HERC1: variants seen among roughly 807,000 people sequenced by gnomAD.
HERC1 encodes the protein probable E3 ubiquitin-protein ligase HERC1.
In HERC1, 160 loss-of-function variants were observed where a neutral mutation model predicts 554.3. That is an observed-to-expected ratio of 0.29 (90% CI 0.25 to 0.33). HERC1 has a LOEUF of 0.33. HERC1 is among the 10% of genes least tolerant of loss of function. The probability of loss-of-function intolerance (pLI) is 1.00; values close to 1 mark genes in which losing one functional copy is unlikely to be tolerated. For synonymous variants in HERC1, 2,175 were observed against 2,131.7 expected, an observed-to-expected ratio of 1.02 and a Z score of -0.56; for missense variants, 4,919 against 5,918.5, an observed-to-expected ratio of 0.83 and a Z score of 5.54.
At position 63,663,002 on chromosome 15, in the gene HERC1, T is replaced by C; in HGVS notation, c.8883A>G (p.Val2961=). 6.2e-7 allele frequency: 1 copy of C among 1,613,874 alleles called. No homozygotes were observed. The highest frequency in any genetic ancestry group is 8.5e-7 in the Non-Finnish European group (1 of 1,179,746). ...NDILGMWIPE[V]LDWPTWHVCE... is the part of the protein sequence containing the mutation. Reference sequence around the variant, plus strand: ...CACACACCCAGGTAGGCCAATCCAGTACCTCTGGGATCCACATTCCCAGAA... The same window carrying C: ...CACACACCCAGGTAGGCCAATCCAGCACCTCTGGGATCCACATTCCCAGAA... The change falls in exon 44 of 78, where the codon GTA becomes GTG. Residue 2961 remains valine, a synonymous_variant. Coordinates refer to ENST00000443617, the MANE Select transcript of HERC1 (RefSeq NM_003922.4).
In HERC1 at chr15:63,680,836, G is replaced by A; in HGVS notation, c.6226-60C>T. ...AAAATCTATTTATATACTATTAACT[G>A]CATTAACCAATACTGAAAATATGTT... On this transcript the variant is annotated intron_variant, in intron 34 of 77. Coordinates refer to ENST00000443617, the MANE Select transcript of HERC1 (RefSeq NM_003922.4). This position sits in a 1 kb window ranked among gnomAD's most constrained non-coding sequence, Gnocchi z 5.8. 2 of 1,120,784 alleles carry A rather than the reference G, an allele frequency of 1.8e-6. No homozygotes were observed. The highest frequency in any genetic ancestry group is 2.6e-5 in the South Asian group (2 of 76,094). 69.4% of individuals were successfully genotyped at this position (1,120,784 alleles called of 1,614,324 possible).
At chr15:63,744,429 G>T (rs139247366) in intron 12 of HERC1, among the ~76,000 whole-genome samples, 1 of 152,140 alleles carries the variant, frequency 6.6e-6, no homozygotes, top group Non-Finnish European at 1.5e-5. Flanking sequence ...CTTCCCTTCA[G>T]GGGGAGTGAG....
chr15:63,672,696 T>C lies in HERC1; in HGVS notation c.7847-2A>G. 1 of 1,576,616 alleles carries C rather than the reference T, an allele frequency of 6.3e-7. No homozygotes were observed. Among genetic ancestry groups the C allele is most frequent in the East Asian group, 2.2e-5 (1 of 44,522 alleles). ...TTTCTTCAGCTTGTTGATCAATCTCTAGAAACCAAAAAAAAGGTTAAGAAA... is the reference window on the plus strand; with the variant it reads ...TTTCTTCAGCTTGTTGATCAATCTCCAGAAACCAAAAAAAAGGTTAAGAAA... On this transcript the variant is annotated splice_acceptor_variant, in intron 38 of 77. Coordinates refer to ENST00000443617, the MANE Select transcript of HERC1 (RefSeq NM_003922.4). LOFTEE classifies it high-confidence loss of function.
At chr15:63,699,449 A>G (rs2072604993) in intron 25 of HERC1, among the ~76,000 whole-genome samples, 1 of 152,250 alleles carries the variant, frequency 6.6e-6, no homozygotes, top group South Asian at 2.1e-4. Flanking sequence ...GTTAAGACTG[A>G]ACAAAGTGTC....
chr15:63,777,303 G>C (rs55989641), intron 1 of HERC1, among the ~76,000 whole-genome samples: 1 of 152,126 alleles, frequency 6.6e-6, no homozygotes, highest in Non-Finnish European at 1.5e-5. Context: ...TACTTGTAAA[G>C]TATGCACTTA....
chr15:63,728,396 G>A (rs1315702085), intron 16 of HERC1, among the ~76,000 whole-genome samples: 1 of 152,058 alleles, frequency 6.6e-6, no homozygotes, highest in Non-Finnish European at 1.5e-5. Flanking sequence ...TGTATATCAG[G>A]GCAGAGAAGG....
At chr15:63,651,184 T>G in intron 53 of HERC1, 69 bp downstream of exon 53, 1 of 1,440,610 alleles carries the variant, frequency 6.9e-7, no homozygotes, top group Non-Finnish European at 9.6e-7. Context: ...CTGTTTGGAC[T>G]CAGAAGACTA....
chr15:63,733,541 A>C (rs767750012), intron 13 of HERC1, among the ~76,000 whole-genome samples: 5 of 152,152 alleles, frequency 3.3e-5, no homozygotes, highest in Non-Finnish European at 5.9e-5. Flanking sequence ...ATCTAAACTA[A>C]TGCAAAATAC....
intron 45 of HERC1, 65 bp downstream of exon 45, chr15:63,661,688 G>C: frequency 6.6e-7 from 1 of 1,523,156 alleles, no homozygotes; most frequent in Non-Finnish European, 9.0e-7. Flanking sequence ...AAAATCTACA[G>C]TTCCCAAGAC....
At chr15:63,795,727 C>T (rs947791718) in intron 1 of HERC1, among the ~76,000 whole-genome samples, 5 of 152,088 alleles carry the variant, frequency 3.3e-5, no homozygotes, top group Admixed American at 1.3e-4. Context: ...GAGAGTACAC[C>T]GAACAAAAGA....
intron 55 of HERC1, among the ~76,000 whole-genome samples, chr15:63,647,324 G>T (rs2069407791): frequency 6.6e-6 from 1 of 151,486 alleles, no homozygotes; most frequent in South Asian, 2.1e-4. Context: ...AGTCAGGATG[G>T]TTATTATTAA....
intron 1 of HERC1, among the ~76,000 whole-genome samples, chr15:63,822,943 C>A (rs1053129949): frequency 6.6e-6 from 1 of 152,078 alleles, no homozygotes; most frequent in Non-Finnish European, 1.5e-5. Flanking sequence ...AATGGTCCTG[C>A]CATTTATTAA....
chr15:63,722,752 T>C (rs1047387109), intron 19 of HERC1, among the ~76,000 whole-genome samples: 2 of 152,206 alleles, frequency 1.3e-5, no homozygotes, highest in African/African-American at 4.8e-5. Flanking sequence ...TTACTGTTGT[T>C]GTTAATGTCT....
intron 41 of HERC1, 46 bp downstream of exon 41, chr15:63,666,310 G>C: frequency 7.0e-7 from 1 of 1,437,714 alleles, no homozygotes; most frequent in Non-Finnish European, 9.7e-7. Context: ...TAATAAGCTA[G>C]GACTTCTCAT....
chr15:63,812,474 A>C (rs2077360945), intron 1 of HERC1, among the ~76,000 whole-genome samples: 1 of 152,222 alleles, frequency 6.6e-6, no homozygotes, highest in Non-Finnish European at 1.5e-5. Context: ...TCACTTTCAC[A>C]CAACACACTG....
At chr15:63,723,834 T>C (rs2073925944) in intron 18 of HERC1, among the ~76,000 whole-genome samples, 2 of 152,210 alleles carry the variant, frequency 1.3e-5, no homozygotes, top group Non-Finnish European at 2.9e-5. Context: ...AAAGATACCA[T>C]GAACAATTTC....
At position 63,678,000 on chromosome 15, in the gene HERC1, G is replaced by T. The variant is rs183440649; in HGVS notation, c.6915C>A (p.Pro2305=). The T allele has an allele frequency of 1.2e-6, 2 of 1,613,886 alleles. No homozygotes were observed. Among genetic ancestry groups the T allele is most frequent in the Non-Finnish European group, 1.7e-6 (2 of 1,179,856 alleles). The change falls in exon 37 of 78, where the codon CCC becomes CCA. Residue 2305 remains proline, a synonymous_variant. Transcript: ENST00000443617. The surrounding 1 kb of genome is among the most constrained non-coding windows in gnomAD (Gnocchi z 4.4). ...QLRTLCIEVW[P]VLAVIGGVDA... ...CAACTCCTCCTATCACAGCCAGCAC[G>T]GGCCACACCTCTATGCAAAGAGTCC...
intron 1 of HERC1, among the ~76,000 whole-genome samples, chr15:63,781,768 G>A (rs2076294866): frequency 6.6e-6 from 1 of 152,188 alleles, no homozygotes; most frequent in Non-Finnish European, 1.5e-5. Flanking sequence ...TAAGCCTCTT[G>A]CGCCAGTTAG....
intron 1 of HERC1, among the ~76,000 whole-genome samples, chr15:63,831,949 T>C (rs1236464123): frequency 1.3e-5 from 2 of 152,200 alleles, no homozygotes; most frequent in Admixed American, 1.3e-4. Flanking sequence ...GCAAACAGCA[T>C]GACTGGAAAT....
Sources: allele counts gnomAD v4.1 joint callset (sites outside exome capture counted in the v4.1 genomes callset), GRCh38; gene constraint gnomAD v4.1.1; non-coding constraint Gnocchi (gnomAD v3.1); transcripts MANE v1.5; gene names NCBI Gene and HGNC (gene_info 2026-07-23, HGNC 2026-07-21).